The following MACF1 variants were observed in gnomAD, a reference collection of about 807,000 sequenced individuals.
MACF1 encodes microtubule actin crosslinking factor 1.
Under a neutral mutation model 854.8 loss-of-function variants are expected in MACF1, and 193 were observed. That is an observed-to-expected ratio of 0.23 (90% CI 0.20 to 0.25). The LOEUF (loss-of-function observed/expected upper bound fraction) is 0.25. MACF1 is among the 10% of genes least tolerant of loss of function. The pLI, the probability that MACF1 is intolerant of heterozygous loss-of-function variation, is 1.00. For missense variants in MACF1, 7,722 were observed against 8,929.1 expected (o/e 0.86, Z 5.45); for synonymous variants, 3,185 against 3,226.7 (o/e 0.99, Z 0.44).
At chr1:39,373,809 T>C (rs1267713240) in intron 52 of MACF1, among the ~76,000 whole-genome samples, 27 of 137,040 alleles carry the variant, frequency 2.0e-4, no homozygotes, top group Middle Eastern at 4.8e-3. Context: ...GCCAAGATCG[T>C]GCCACTGTAT....
At chr1:39,363,604 C>CTTTCTTTTT (rs771066867) in intron 49 of MACF1, among the ~76,000 whole-genome samples, 2 of 136,084 alleles carry the variant, frequency 1.5e-5, no homozygotes, top group African/African-American at 2.8e-5. Context: ...TTCTTTCTTT[C>CTTTCTTTTT]TTTTTTTTTT....
chr1:39,432,270 T>G (rs113864464), intron 66 of MACF1, among the ~76,000 whole-genome samples: 68 of 152,324 alleles, frequency 4.5e-4, no homozygotes, highest in African/African-American at 1.4e-3. Context: ...GAGGCATCTT[T>G]CTTTTGAAGG....
chr1:39,316,674 T>A, intron 28 of MACF1, 145 bp downstream of exon 28: 1 of 737,998 alleles, frequency 1.4e-6, no homozygotes, highest in Non-Finnish European at 2.1e-6. Flanking sequence ...TTTTAATATG[T>A]ATTCAAAGAA....
At chr1:39,385,260 G>A (rs1483811651) in intron 56 of MACF1, among the ~76,000 whole-genome samples, 174 bp from the exon 57 acceptor site, 1 of 152,104 alleles carries the variant, frequency 6.6e-6, no homozygotes, top group Admixed American at 6.5e-5. Flanking sequence ...TAGAGACGGG[G>A]TTTCGCCACG....
In MACF1 at chr1:39,424,126, G is replaced by GA; in HGVS notation, c.16252dup (p.Ile5418AsnfsTer9). On this transcript the variant is annotated frameshift_variant, in exon 61 of 101. Transcript: ENST00000564288. LOFTEE classifies it high-confidence loss of function. ...AGTCAGCAGAGCTGGCTGATAGAGA[G>GA]AAAATCACTGGACAGCTGGAGAGTC... 6.2e-7 allele frequency: 1 copy of GA among 1,613,396 alleles called. No homozygotes were observed. The highest frequency in any genetic ancestry group is 8.5e-7 in the Non-Finnish European group (1 of 1,179,902).
intron 1 of MACF1, among the ~76,000 whole-genome samples, chr1:39,229,191 G>A (rs1220241408): frequency 1.3e-5 from 2 of 152,152 alleles, no homozygotes; most frequent in African/African-American, 4.8e-5. Context: ...TGTCAGCAGA[G>A]AATTAGACTA....
chr1:39,367,165 A>T (rs543019051), intron 49 of MACF1, among the ~76,000 whole-genome samples: 1 of 150,916 alleles, frequency 6.6e-6, no homozygotes. Context: ...CAGCCTGATC[A>T]TGAACTCCTG....
chr1:39,458,259 A>T, intron 89 of MACF1, 111 bp from the exon 90 acceptor site: 1 of 1,022,108 alleles, frequency 9.8e-7, no homozygotes, highest in South Asian at 1.7e-5. Flanking sequence ...GCCTCCACAC[A>T]GCCTTTCCTG....
intron 2 of MACF1, among the ~76,000 whole-genome samples, chr1:39,197,214 A>G (rs746616079): frequency 6.6e-6 from 1 of 151,658 alleles, no homozygotes; most frequent in Non-Finnish European, 1.5e-5. Flanking sequence ...TCCAACATAC[A>G]TATATATAAT....
intron 2 of MACF1, among the ~76,000 whole-genome samples, chr1:39,194,908 G>A (rs1644302253): frequency 6.6e-6 from 1 of 152,018 alleles, no homozygotes; most frequent in East Asian, 1.9e-4. Flanking sequence ...TGCCCAGGGT[G>A]GTCTTAAACT....
At chr1:39,360,013 ATATATATATATATATATAT>A (rs1428771840) in intron 47 of MACF1, among the ~76,000 whole-genome samples, 9 of 20,950 alleles carry the variant, frequency 4.3e-4, no homozygotes, top group Admixed American at 7.2e-4. Context: ...AAAAAAAAAA[ATATATATATATATATATAT>A]ATATATATAT....
At chr1:39,162,983 G>A (rs1643831992) in intron 2 of MACF1, among the ~76,000 whole-genome samples, 1 of 152,138 alleles carries the variant, frequency 6.6e-6, no homozygotes, top group African/African-American at 2.4e-5. Context: ...TAACAATGGT[G>A]CCTATGCTGC....
chr1:39,332,889 G>T lies in MACF1; in HGVS notation c.6301G>T (p.Val2101Phe), dbSNP rs1646751442. ...TGATGCTTTGAAGGTAATAAATAAA[G>T]TCAAATTAGAGGTACAAAGGCAGTT... is the stretch of plus-strand genomic sequence containing the variant. Reference protein sequence around the residue: ...NIDALKVINKVKLEVQRQLIG... With the variant: ...NIDALKVINKFKLEVQRQLIG... The change falls in exon 37 of 101, where the codon GTC becomes TTC. Residue 2101 changes from valine to phenylalanine, a missense_variant. Physicochemically the swap from Val to Phe is conservative, Grantham distance 50. Coordinates refer to ENST00000564288, the MANE Select transcript of MACF1 (RefSeq NM_001394062.1). 3 of 1,614,000 alleles carry T rather than the reference G, an allele frequency of 1.9e-6. No individual in the cohort carries two copies. Among genetic ancestry groups the T allele is most frequent in the Non-Finnish European group, 2.5e-6 (3 of 1,180,016 alleles).
chr1:39,295,291 C>G (rs1645876553), intron 19 of MACF1, 141 bp downstream of exon 19: 5 of 674,774 alleles, frequency 7.4e-6, no homozygotes, highest in African/African-American at 5.4e-5. Flanking sequence ...TCTTTTCATT[C>G]CTGACTGTTC....
At chr1:39,235,514 ATT>A (rs1644850481) in intron 2 of MACF1, among the ~76,000 whole-genome samples, 1 of 152,218 alleles carries the variant, frequency 6.6e-6, no homozygotes, top group South Asian at 2.1e-4. Flanking sequence ...AACCTATTTG[ATT>A]CAGTACTGCC....
intron 91 of MACF1, among the ~76,000 whole-genome samples, 175 bp downstream of exon 91, chr1:39,459,424 CAT>C (rs529495462): frequency 1.2e-3 from 183 of 152,226 alleles, no homozygotes; most frequent in African/African-American, 4.2e-3. Flanking sequence ...AGAAAAGACA[CAT>C]GTGTAAGAAA....
At chr1:39,302,541 G>T (rs1052057087) in intron 22 of MACF1, among the ~76,000 whole-genome samples, 1 of 152,166 alleles carries the variant, frequency 6.6e-6, no homozygotes, top group Non-Finnish European at 1.5e-5. Context: ...GGGATGATAG[G>T]AAGTAGGGAG....
Position 39,102,550 on chromosome 1 carries a change from G to T in MACF1, c.220+18112G>T, listed in dbSNP as rs1203264984. Among the ~76,000 whole-genome samples the T allele has an allele frequency of 4.6e-5, 7 of 152,266 alleles. No homozygotes were observed. The East Asian group carries it at 1.3e-3, about 29-fold the overall frequency. On this transcript the variant is annotated intron_variant, in intron 2 of 93. Transcript: ENST00000361689. ...TATAATCTGGGAGGAAAGTCGGTTG[G>T]ATGGCCCTGAGGCGAGATAACACAT...
intron 66 of MACF1, among the ~76,000 whole-genome samples, chr1:39,431,556 G>A (rs970640070): frequency 2.6e-5 from 4 of 152,176 alleles, no homozygotes; most frequent in African/African-American, 9.7e-5. Context: ...TATCCCCAGT[G>A]TGTCTTTAGA....
Sources: allele counts gnomAD v4.1 joint callset (sites outside exome capture counted in the v4.1 genomes callset), GRCh38; gene constraint gnomAD v4.1.1; transcripts MANE v1.5; gene names NCBI Gene and HGNC (gene_info 2026-07-23, HGNC 2026-07-21).